The following GRM8 variants were observed in gnomAD, a reference collection of about 807,000 sequenced individuals.
The protein encoded by GRM8 is metabotropic glutamate receptor 8.
Under a neutral mutation model 87.2 loss-of-function variants are expected in GRM8, and 47 were observed. The ratio of observed to expected loss-of-function variants is 0.54; its 90% confidence interval spans 0.43 to 0.69. The LOEUF is 0.69. Ranked by LOEUF, GRM8 falls within the 30% of genes least tolerant of loss-of-function variation. The pLI is 0.00. For missense variants in GRM8, 1,019 were observed against 1,139.2 expected, an observed-to-expected ratio of 0.89 and a Z score of 1.52; for synonymous variants, 396 against 404.5, an observed-to-expected ratio of 0.98 and a Z score of 0.25.
chr7:127,021,725 C>T (rs1170056130), intron 3 of GRM8, among the ~76,000 whole-genome samples: 1 of 151,960 alleles, frequency 6.6e-6, no homozygotes, highest in African/African-American at 2.4e-5. Context: ...CAGCTATTGA[C>T]ATAAAAACAT....
chr7:126,458,667 A>G (rs1324216295), intron 9 of GRM8, among the ~76,000 whole-genome samples: 1 of 151,278 alleles, frequency 6.6e-6, no homozygotes, highest in Non-Finnish European at 1.5e-5. Flanking sequence ...TGAGCTTCAC[A>G]GAGATCAATT....
chr7:126,829,750 G>A (rs1388714356), intron 6 of GRM8, among the ~76,000 whole-genome samples: 3 of 151,520 alleles, frequency 2.0e-5, no homozygotes, highest in Non-Finnish European at 4.4e-5. Flanking sequence ...TCATTATGAT[G>A]TTAGCTGGTT....
intron 9 of GRM8, among the ~76,000 whole-genome samples, chr7:126,490,238 C>T (rs1412811903): frequency 6.6e-6 from 1 of 152,042 alleles, no homozygotes; most frequent in Non-Finnish European, 1.5e-5. Context: ...TTTATTTCAT[C>T]TTTCTCCTCT....
At chr7:126,860,210 G>C (rs1352778211) in intron 6 of GRM8, among the ~76,000 whole-genome samples, 1 of 152,098 alleles carries the variant, frequency 6.6e-6, no homozygotes. Flanking sequence ...TATTTTAAAA[G>C]TGGCTGATTC....
intron 8 of GRM8, among the ~76,000 whole-genome samples, chr7:126,547,673 TAAG>T (rs762239632): frequency 6.6e-6 from 1 of 151,894 alleles, no homozygotes; most frequent in East Asian, 1.9e-4. Flanking sequence ...CCAATAATTA[TAAG>T]AAGAATTCAT....
chr7:127,028,467 C>G (rs2132279309), intron 3 of GRM8, among the ~76,000 whole-genome samples: 1 of 152,166 alleles, frequency 6.6e-6, no homozygotes, highest in South Asian at 2.1e-4. Flanking sequence ...TGGTCCTGGA[C>G]TTTTTTTGGT....
intron 6 of GRM8, 81 bp from the exon 7 acceptor site, chr7:126,770,146 T>C (rs949912123): frequency 1.1e-6 from 1 of 885,652 alleles, no homozygotes; most frequent in African/African-American, 1.7e-5. Context: ...TTTCCATCAT[T>C]TGAGGAACAC....
chr7:126,659,818 T>C (rs1804946738), intron 7 of GRM8, among the ~76,000 whole-genome samples: 2 of 152,218 alleles, frequency 1.3e-5, no homozygotes, highest in Non-Finnish European at 2.9e-5. Context: ...TTTGCATTTA[T>C]TTGTGTGCTA....
chr7:127,046,335 G>A (rs1048833130), intron 3 of GRM8, among the ~76,000 whole-genome samples: 7 of 151,760 alleles, frequency 4.6e-5, no homozygotes, highest in Non-Finnish European at 1.0e-4. Context: ...TCGCACCACT[G>A]CACTCCAGCC....
At chr7:127,104,316 T>C (rs1825614976) in intron 3 of GRM8, among the ~76,000 whole-genome samples, 1 of 152,154 alleles carries the variant, frequency 6.6e-6, no homozygotes, top group Non-Finnish European at 1.5e-5. Context: ...GTCATCAATG[T>C]TGTAGTAAGA....
At chr7:126,614,572 C>T (rs1270773000) in intron 7 of GRM8, among the ~76,000 whole-genome samples, 2 of 152,128 alleles carry the variant, frequency 1.3e-5, no homozygotes, top group African/African-American at 2.4e-5. Context: ...GATCAAACTT[C>T]TCTGAGCTAA....
intron 3 of GRM8, among the ~76,000 whole-genome samples, chr7:126,919,054 T>C (rs1194666842): frequency 6.6e-6 from 1 of 152,118 alleles, no homozygotes; most frequent in Non-Finnish European, 1.5e-5. Context: ...TGTAAATATC[T>C]ACAAGTGAAA....
chr7:127,185,607 T>A (rs940568303), intron 2 of GRM8, among the ~76,000 whole-genome samples: 7 of 152,038 alleles, frequency 4.6e-5, no homozygotes, highest in African/African-American at 1.7e-4. Flanking sequence ...GAAAAAAAAT[T>A]GGTAAGTTGG....
At chr7:127,186,413 C>T (rs1434659009) in intron 2 of GRM8, among the ~76,000 whole-genome samples, 1 of 152,040 alleles carries the variant, frequency 6.6e-6, no homozygotes. Flanking sequence ...TTCACTCTGG[C>T]GTCCCAGGAA....
chr7:126,826,114 CTA>C (rs1274075556), intron 6 of GRM8, among the ~76,000 whole-genome samples: 1 of 152,076 alleles, frequency 6.6e-6, no homozygotes, highest in Non-Finnish European at 1.5e-5. Context: ...TTAATCCAGT[CTA>C]TCATTGTTGG....
intron 8 of GRM8, among the ~76,000 whole-genome samples, chr7:126,575,553 C>A (rs1313478142): frequency 6.6e-6 from 1 of 151,868 alleles, no homozygotes; most frequent in Non-Finnish European, 1.5e-5. Flanking sequence ...ATGTTGGGGA[C>A]CGCTGCTATA....
At chr7:127,211,701 C>A (rs779809065) in intron 2 of GRM8, among the ~76,000 whole-genome samples, 27 of 152,182 alleles carry the variant, frequency 1.8e-4, no homozygotes, top group Non-Finnish European at 2.4e-4. Context: ...TTTACCCCCG[C>A]TTTGGCTCCT....
chr7:126,758,194 G>T (rs1050969830), intron 7 of GRM8, among the ~76,000 whole-genome samples: 1 of 152,072 alleles, frequency 6.6e-6, no homozygotes, highest in African/African-American at 2.4e-5. Flanking sequence ...TATACTGAGG[G>T]TTTATTGTCA....
intron 2 of GRM8, among the ~76,000 whole-genome samples, chr7:127,211,312 T>C (rs1351822409): frequency 1.3e-5 from 2 of 152,118 alleles, no homozygotes; most frequent in African/African-American, 2.4e-5. Context: ...GCTGAAGAAG[T>C]TGGAGTCTGA....
Sources: gnomAD v4.1 joint callset for allele counts (sites outside exome capture counted in the v4.1 genomes callset) on GRCh38, gnomAD v4.1.1 for gene constraint, MANE v1.5 for transcripts, NCBI Gene and HGNC (gene_info 2026-07-23, HGNC 2026-07-21) for gene names.